ACOT1: variants seen among roughly 807,000 people sequenced by gnomAD.
ACOT1 encodes the protein acyl-coenzyme A thioesterase 1.
ACOT1 carries 8 observed loss-of-function variants against 15.7 expected under a neutral mutation model. The ratio of observed to expected loss-of-function variants is 0.51; its 90% confidence interval spans 0.30 to 0.92. The LOEUF is 0.92. ACOT1 is among the 40% of genes least tolerant of loss of function. The probability of loss-of-function intolerance (pLI) is 0.06; values close to 1 mark genes in which losing one functional copy is unlikely to be tolerated. For synonymous variants in ACOT1, 67 were observed against 241.2 expected (o/e 0.28, Z 6.69); for missense variants, 151 against 539.4 (o/e 0.28, Z 7.13).
chr14:73,501,910 C>G, the ACOT1 span, among the ~76,000 whole-genome samples: 1 of 151,844 alleles, frequency 6.6e-6, no homozygotes, highest in East Asian at 1.9e-4. Context: ...CCCGCCACCA[C>G]GCCCTTTTGT....
chr14:73,501,129 A>AT, the ACOT1 span, among the ~76,000 whole-genome samples: 1 of 151,672 alleles, frequency 6.6e-6, no homozygotes, highest in African/African-American at 2.4e-5. Flanking sequence ...TTATTTTATT[A>AT]TTTTTTTGAG....
the ACOT1 span, chr14:73,492,948 T>C: frequency 6.2e-7 from 1 of 1,611,770 alleles, no homozygotes; most frequent in Non-Finnish European, 8.5e-7. The surrounding 1 kb of genome is among the most constrained non-coding windows in gnomAD (Gnocchi z 4.9). Context: ...AATTAGTTTC[T>C]TGTTGATTGC....
chr14:73,501,019 T>G, the ACOT1 span, among the ~76,000 whole-genome samples: 2 of 152,252 alleles, frequency 1.3e-5, no homozygotes, highest in Non-Finnish European at 2.9e-5. Flanking sequence ...CAAGTTCTCT[T>G]CTCCATTGCC....
the ACOT1 span, chr14:73,506,486 A>T: frequency 5.2e-5 from 84 of 1,613,538 alleles, no homozygotes; most frequent in Non-Finnish European, 6.9e-5. Flanking sequence ...ATTTCCACTG[A>T]TCCGGGAGAA....
chr14:73,511,473 C>T, the ACOT1 span, among the ~76,000 whole-genome samples: 5,684 of 150,812 alleles, frequency 0.038, 359 homozygotes, highest in African/African-American at 0.13. Flanking sequence ...GAGCAGAGAT[C>T]GCGCCACTGC....
chr14:73,501,066 C>T, the ACOT1 span, among the ~76,000 whole-genome samples: 1 of 152,146 alleles, frequency 6.6e-6, no homozygotes, highest in Admixed American at 6.6e-5. Flanking sequence ...ATTTGGCTTC[C>T]AGCCTGGAAT....
At chr14:73,492,966 A>C in the ACOT1 span, 1 of 1,604,120 alleles carries the variant, frequency 6.2e-7, no homozygotes, top group African/African-American at 1.4e-5. This position sits in a 1 kb window ranked among gnomAD's most constrained non-coding sequence, Gnocchi z 4.9. Context: ...TGCTGGAAAC[A>C]AGGCAGTAGT....
chr14:73,491,119 G>C, the ACOT1 span: 1 of 1,607,144 alleles, frequency 6.2e-7, no homozygotes. Context: ...CCCTGCCCTT[G>C]AGGTCCAGGA....
chr14:73,538,765 C>G lies in ACOT1; in HGVS notation c.457+887C>G, dbSNP rs1195570904. On this transcript the variant is annotated intron_variant, in intron 1 of 2. Transcript: ENST00000311148. ...GGCCGAGGCAGGCGGATCAAGAGTT[C>G]GAGACCAGCCTGGCCAACATGGTGA... Among the ~76,000 whole-genome samples the G allele has an allele frequency of 5.3e-5, 6 of 113,584 alleles. 3 individuals carry two copies. The East Asian group carries it at 4.2e-3, about 79-fold the overall frequency. 74.5% of individuals were successfully genotyped at this position (113,584 alleles called of 152,430 possible). A position where few individuals can be genotyped will look rare whatever the true frequency, so the allele number is the denominator to read the frequency against.
chr14:73,535,013 A>T (rs1256297216), upstream of ACOT1, among the ~76,000 whole-genome samples: 1 of 113,788 alleles, frequency 8.8e-6, no homozygotes, highest in African/African-American at 2.9e-5. Flanking sequence ...GTATATTTAT[A>T]CTGTTCTCTA....
At chr14:73,519,432 G>A in the ACOT1 span, among the ~76,000 whole-genome samples, 2 of 152,314 alleles carry the variant, frequency 1.3e-5, no homozygotes, top group South Asian at 2.1e-4. Context: ...GGGAGCCAAG[G>A]ATGGTGATTT....
At chr14:73,497,700 C>T in the ACOT1 span, among the ~76,000 whole-genome samples, 1 of 152,078 alleles carries the variant, frequency 6.6e-6, no homozygotes, top group Non-Finnish European at 1.5e-5. Flanking sequence ...CATCTCGGCT[C>T]ACCGCAACCT....
chr14:73,527,843 G>T, the ACOT1 span, among the ~76,000 whole-genome samples: 5 of 151,094 alleles, frequency 3.3e-5, no homozygotes, highest in African/African-American at 1.2e-4. Flanking sequence ...GCCAGTCATG[G>T]TGGCAGGTGC....
At chr14:73,493,060 A>T in the ACOT1 span, 116 of 1,604,164 alleles carry the variant, frequency 7.2e-5, no homozygotes, top group Non-Finnish European at 9.8e-5. Flanking sequence ...GTGTGCTCAC[A>T]TTTACCTTTA....
chr14:73,493,095 C>T, the ACOT1 span: 16 of 1,612,154 alleles, frequency 9.9e-6, no homozygotes, highest in African/African-American at 2.0e-4. Context: ...TCACAAACCT[C>T]GGAAGGTCTT....
the ACOT1 span, chr14:73,519,184 A>G: frequency 1.9e-6 from 3 of 1,605,302 alleles, no homozygotes; most frequent in Non-Finnish European, 1.7e-6. Context: ...ACAAAGAAAC[A>G]ATGAGTCCCC....
chr14:73,517,599 G>A, the ACOT1 span: 2 of 148,484 alleles, frequency 1.3e-5, no homozygotes, highest in Non-Finnish European at 3.0e-5. Flanking sequence ...GCTCAGGAAG[G>A]TAAAGGCTGC....
In ACOT1 at chr14:73,537,504, C is replaced by G. The variant is rs201321050; in HGVS notation, c.83C>G (p.Pro28Arg). 932 of 1,215,108 alleles carry G rather than the reference C, an allele frequency of 7.7e-4. 221 individuals are homozygous for G. In the African/African-American group the frequency reaches 0.012, roughly 16 times the overall value. The allele number at this position is 1,215,108 out of a possible 1,614,324, so 75.3% of individuals were successfully genotyped here. The change falls in exon 1 of 3, where the codon CCG (proline) becomes CGG (arginine). Residue 28 changes from proline (P) to arginine (R), a missense_variant. By Grantham distance (103) the Pro-to-Arg change is moderately radical. Coordinates refer to ENST00000311148, the MANE Select transcript of ACOT1 (RefSeq NM_001037161.2). ...PVRIAVRGLA[P>R]EQPVTLRASL... ...CGAATCGCCGTGCGCGGCCTAGCCC[C>G]GGAGCAGCCGGTCACGCTGCGCGCG...
chr14:73,495,518 G>A, the ACOT1 span: 1 of 701,512 alleles, frequency 1.4e-6, no homozygotes, highest in East Asian at 2.8e-5. Flanking sequence ...AACAGTTCAA[G>A]GCTACAGTGA....
Sources: allele counts gnomAD v4.1 joint callset (sites outside exome capture counted in the v4.1 genomes callset), GRCh38; gene constraint gnomAD v4.1.1; non-coding constraint Gnocchi (gnomAD v3.1); transcripts MANE v1.5; gene names NCBI Gene and HGNC (gene_info 2026-07-23, HGNC 2026-07-21).